Variants in TYR observed in about 807,000 individuals in gnomAD.
The protein encoded by TYR is LB24-AB.
In TYR, 58 loss-of-function variants were observed where a neutral mutation model predicts 51.5. The observed-to-expected ratio is 1.13, with a 90% CI of 0.91 to 1.40. The LOEUF is 1.40. TYR is among the 40% of genes most tolerant of loss of function. TYR has a pLI of 0.00. For missense variants in TYR, 732 were observed against 647.4 expected (o/e 1.13, Z -1.42); for synonymous variants, 263 against 235.2 (o/e 1.12, Z -1.08).
chr11:89,258,061 A>T (rs1271412512), intron 3 of TYR, among the ~76,000 whole-genome samples: 1 of 152,042 alleles, frequency 6.6e-6, no homozygotes, highest in Non-Finnish European at 1.5e-5. Context: ...AGATTGTGCT[A>T]ATTGATTCCA....
intron 2 of TYR, among the ~76,000 whole-genome samples, chr11:89,221,183 G>T (rs1245111798): frequency 6.6e-6 from 1 of 152,170 alleles, no homozygotes; most frequent in African/African-American, 2.4e-5. Context: ...CACTGTTAGG[G>T]TTAGAGGATT....
intron 2 of TYR, among the ~76,000 whole-genome samples, chr11:89,224,197 T>C (rs1461949420): frequency 6.6e-6 from 1 of 152,150 alleles, no homozygotes; most frequent in Non-Finnish European, 1.5e-5. Context: ...ACCATATTCT[T>C]GGTTAGCAGC....
intron 2 of TYR, among the ~76,000 whole-genome samples, chr11:89,209,220 C>T (rs1187088890): frequency 6.6e-6 from 1 of 152,200 alleles, no homozygotes; most frequent in Non-Finnish European, 1.5e-5. Context: ...CCTGGAGGAA[C>T]AGTACACTCT....
intron 3 of TYR, among the ~76,000 whole-genome samples, chr11:89,274,747 G>C (rs1415744481): frequency 2.6e-5 from 4 of 151,814 alleles, no homozygotes; most frequent in African/African-American, 9.7e-5. Flanking sequence ...AGGATGCCTT[G>C]TATAAGCCTT....
In TYR at chr11:89,192,091, T is replaced by A. The variant is rs1038186459; in HGVS notation, c.1036+673T>A. The stretch of plus-strand genomic sequence containing the variant: ...GCACATAGGTAAAGCCTCCCTCTCA[T>A]TATCCCTTAAGTTTTCTGTTCTTCA... On this transcript the variant is annotated intron_variant, in intron 2 of 4. Coordinates refer to ENST00000263321, the MANE Select transcript of TYR (RefSeq NM_000372.5). The A allele has an allele frequency of 6.1e-5, 24 of 394,702 alleles. 1 individual carries two copies. The highest frequency in any genetic ancestry group is 4.3e-4 in the African/African-American group (20 of 46,452). The allele number at this position is 394,702 out of a possible 1,614,324, so 24.4% of individuals were successfully genotyped here.
rs114614514 is a variant in TYR, at chr11:89,183,942, C to T, written c.819+5170C>T. 6.6e-3 allele frequency among the ~76,000 whole-genome samples: 1,001 copies of T among 152,090 alleles called. 12 individuals carry two copies. The highest frequency in any genetic ancestry group is 0.023 in the African/African-American group (947 of 41,506). Reference sequence around the variant, plus strand: ...TAGATTATTTGATCATTGATAGAAACGTATAATTCCCATTTACAGATGAAA... The same window carrying T: ...TAGATTATTTGATCATTGATAGAAATGTATAATTCCCATTTACAGATGAAA... On this transcript the variant is annotated intron_variant, in intron 1 of 4. Transcript: ENST00000263321.
At chr11:89,201,075 T>C (rs1943593237) in intron 2 of TYR, among the ~76,000 whole-genome samples, 1 of 152,218 alleles carries the variant, frequency 6.6e-6, no homozygotes, top group Non-Finnish European at 1.5e-5. Context: ...TATCTCATTA[T>C]ACAATATTCA....
intron 4 of TYR, among the ~76,000 whole-genome samples, chr11:89,293,348 C>T (rs398089028): frequency 1.3e-5 from 2 of 149,582 alleles, no homozygotes; most frequent in African/African-American, 2.4e-5. Context: ...CACACACACA[C>T]ACACACACAC....
intron 1 of TYR, among the ~76,000 whole-genome samples, chr11:89,190,252 G>T (rs954010324): frequency 6.6e-6 from 1 of 152,100 alleles, no homozygotes; most frequent in African/African-American, 2.4e-5. Context: ...CAAAACGCCT[G>T]GATGTTTTAT....
intron 1 of TYR, among the ~76,000 whole-genome samples, chr11:89,186,399 T>C (rs1251746932): frequency 6.6e-6 from 1 of 152,164 alleles, no homozygotes; most frequent in Non-Finnish European, 1.5e-5. Context: ...TTGGTTCATA[T>C]GCATCCTGCA....
At chr11:89,215,771 A>T (rs1161760819) in intron 2 of TYR, among the ~76,000 whole-genome samples, 1 of 152,160 alleles carries the variant, frequency 6.6e-6, no homozygotes, top group African/African-American at 2.4e-5. Context: ...TAGAAATGTC[A>T]TAAGAATCCC....
At chr11:89,202,077 A>T (rs1943604805) in intron 2 of TYR, among the ~76,000 whole-genome samples, 1 of 120,752 alleles carries the variant, frequency 8.3e-6, no homozygotes, top group Admixed American at 9.7e-5. Context: ...ACAGTGACTT[A>T]TATAATAATG....
intron 1 of TYR, among the ~76,000 whole-genome samples, chr11:89,182,520 A>C (rs1943315102): frequency 6.6e-6 from 1 of 152,218 alleles, no homozygotes; most frequent in African/African-American, 2.4e-5. Context: ...AGATGAAGCA[A>C]GGTGCAACAT....
chr11:89,281,651 C>T (rs553606443), intron 3 of TYR, among the ~76,000 whole-genome samples: 10 of 151,806 alleles, frequency 6.6e-5, no homozygotes, highest in African/African-American at 1.4e-4. Context: ...CAGTTTGCCC[C>T]GCAACTTCAA....
intron 4 of TYR, among the ~76,000 whole-genome samples, chr11:89,291,021 A>T (rs116162356): frequency 0.024 from 3,605 of 152,092 alleles, 141 homozygotes; most frequent in African/African-American, 0.083. Flanking sequence ...ATATTTACAT[A>T]AAATTTAAAC....
chr11:89,281,111 AG>A (rs1391425743), intron 3 of TYR, among the ~76,000 whole-genome samples: 1 of 151,712 alleles, frequency 6.6e-6, no homozygotes, highest in Non-Finnish European at 1.5e-5. Flanking sequence ...TTCACAATAC[AG>A]CTTTTTCTTC....
At chr11:89,210,859 A>T (rs1422506608) in intron 2 of TYR, among the ~76,000 whole-genome samples, 1 of 152,182 alleles carries the variant, frequency 6.6e-6, no homozygotes. Context: ...ATTCAGCTAC[A>T]CTAAGATTCC....
chr11:89,221,542 T>A (rs1943912184), intron 2 of TYR, among the ~76,000 whole-genome samples: 1 of 152,226 alleles, frequency 6.6e-6, no homozygotes, highest in Non-Finnish European at 1.5e-5. Context: ...ATTCTGTATT[T>A]CTTCTGTAAG....
chr11:89,255,283 T>C (rs1944376563), intron 3 of TYR, among the ~76,000 whole-genome samples: 1 of 151,790 alleles, frequency 6.6e-6, no homozygotes, highest in African/African-American at 2.4e-5. Context: ...AGAATGTATA[T>C]TCTGTGGTTG....
Sources: gnomAD v4.1 joint callset for allele counts (sites outside exome capture counted in the v4.1 genomes callset) on GRCh38, gnomAD v4.1.1 for gene constraint, MANE v1.5 for transcripts, NCBI Gene and HGNC (gene_info 2026-07-23, HGNC 2026-07-21) for gene names.